FKBP7: variants seen among roughly 807,000 people sequenced by gnomAD.
FKBP7 encodes peptidyl-prolyl cis-trans isomerase FKBP7.
In FKBP7, 24 loss-of-function variants were observed where a neutral mutation model predicts 24.3. The ratio of observed to expected loss-of-function variants is 0.99; its 90% CI spans 0.72 to 1.39. The LOEUF (loss-of-function observed/expected upper bound fraction) is 1.39, where lower values mean the gene tolerates loss of function less well. Ranked by LOEUF, FKBP7 falls within the 40% of genes most tolerant of loss-of-function variation. The pLI is 0.00. For synonymous variants in FKBP7, 98 were observed against 92.8 expected (o/e 1.06, Z -0.32); for missense variants, 257 against 269.5 (o/e 0.95, Z 0.33).
At chr2:178,476,967 C>G in intron 2 of FKBP7, 95 bp downstream of exon 2, 1 of 896,678 alleles carries the variant, frequency 1.1e-6, no homozygotes, top group Non-Finnish European at 1.7e-6. Flanking sequence ...TTCTTTGAGA[C>G]TGTGCTTTCA....
In FKBP7 at chr2:178,469,800, T is replaced by G. The variant is rs201513970; in HGVS notation, c.374-15A>C. 6.2e-7 allele frequency: 1 copy of G among 1,605,594 alleles called. No homozygotes were observed. Among genetic ancestry groups the G allele is most frequent in the East Asian group, 2.2e-5 (1 of 44,788 alleles). On this transcript the variant is annotated splice_polypyrimidine_tract_variant and intron_variant, in intron 2 of 3. Transcript: ENST00000424785. ...CTTGCCTTCTGCTAAGGGTATAAAT[T>G]TTAACAGTTTAACTTATGTAAAGAT... is the stretch of plus-strand genomic sequence containing the variant.
intron 2 of FKBP7, 148 bp downstream of exon 2, chr2:178,476,912 CTT>C: frequency 1.8e-6 from 1 of 565,250 alleles, no homozygotes. Flanking sequence ...GCTTCCATCT[CTT>C]GTCTATTGTA....
At chr2:178,476,552 A>G (rs939490489) in intron 2 of FKBP7, among the ~76,000 whole-genome samples, 1 of 152,060 alleles carries the variant, frequency 6.6e-6, no homozygotes, top group Non-Finnish European at 1.5e-5. Context: ...CTTTGTCTCT[A>G]TTAATTTGAC....
chr2:178,467,631 A>G (rs1238690145), intron 3 of FKBP7, among the ~76,000 whole-genome samples: 6 of 152,246 alleles, frequency 3.9e-5, no homozygotes, highest in African/African-American at 1.4e-4. Context: ...TTGTTATTCA[A>G]GTTAGTGAAA....
chr2:178,476,638 T>C (rs1685007151), intron 2 of FKBP7, among the ~76,000 whole-genome samples: 1 of 152,074 alleles, frequency 6.6e-6, no homozygotes, highest in Non-Finnish European at 1.5e-5. Context: ...TTTAGCATAA[T>C]GTCCTCAAGG....
chr2:178,477,196 C>A lies in FKBP7; in HGVS notation c.239G>T (p.Gly80Val), dbSNP rs533896380. The A allele has an allele frequency of 6.2e-7, 1 of 1,610,212 alleles. No homozygotes were observed. The highest frequency in any genetic ancestry group is 1.1e-5 in the South Asian group (1 of 90,016). Residue 80 changes from glycine to valine, a missense_variant, in exon 2 of 4, where the codon GGC becomes GTC. Gly to Val is a moderately radical substitution (Grantham distance 109). Transcript: ENST00000424785. Reference sequence around the variant, plus strand: ...ACCAAGAACAAACCATTTGGGGTGGCCTTCATTTTGTGTCCGGCTATAACA... The same window carrying A: ...ACCAAGAACAAACCATTTGGGGTGGACTTCATTTTGTGTCCGGCTATAACA... ...KFYCSRTQNE[G>V]HPKWFVLGVG...
chr2:178,465,352 G>A lies in FKBP7; in HGVS notation c.*418C>T, dbSNP rs1200608785. 1 of 152,766 alleles carries A rather than the reference G, an allele frequency of 6.5e-6. No homozygotes were observed. Among genetic ancestry groups the A allele is most frequent in the Non-Finnish European group, 1.5e-5 (1 of 68,478 alleles). The allele number at this position is 152,766 out of a possible 1,614,324, so 9.5% of individuals were successfully genotyped here. ...ATAAACAAGTGAAATGCTAATTCCT[G>A]GGTCCTTAATGGATATTTTCAAAAT... is the stretch of plus-strand genomic sequence containing the variant. On this transcript the variant is annotated 3_prime_UTR_variant, in exon 4 of 4. Coordinates refer to ENST00000424785, the MANE Select transcript of FKBP7 (RefSeq NM_181342.3).
intron 2 of FKBP7, chr2:178,473,103 CAAG>C (rs1389676532): frequency 1.5e-6 from 2 of 1,304,990 alleles, no homozygotes; most frequent in African/African-American, 3.0e-5. Flanking sequence ...TGACATGAGA[CAAG>C]GATATTTTGC....
intron 2 of FKBP7, among the ~76,000 whole-genome samples, chr2:178,470,581 A>T (rs1346506367): frequency 1.3e-5 from 2 of 152,250 alleles, no homozygotes; most frequent in African/African-American, 2.4e-5. Context: ...GGAAGCATAA[A>T]TAAAACATAA....
At chr2:178,470,735 G>C (rs2154126826) in intron 2 of FKBP7, among the ~76,000 whole-genome samples, 1 of 151,640 alleles carries the variant, frequency 6.6e-6, no homozygotes, top group South Asian at 2.1e-4. Flanking sequence ...GATCACTTGA[G>C]CCCAGGAGTT....
rs752399519 is a variant in FKBP7, at chr2:178,465,881, G to T, written c.558C>A (p.Asp186Glu). 1.2e-6 allele frequency: 2 copies of T among 1,608,952 alleles called. No individual in the cohort carries two copies. The highest frequency in any genetic ancestry group is 1.7e-6 in the Non-Finnish European group (2 of 1,178,264). Residue 186 changes from aspartate (D) to glutamate (E), a missense_variant, in exon 4 of 4, where the codon GAC (aspartate) becomes GAA (glutamate). Asp to Glu is a conservative substitution (Grantham distance 45). Coordinates refer to ENST00000424785, the MANE Select transcript of FKBP7 (RefSeq NM_181342.3). ...CTAAAACTGCATCCTGATATGACTT[G>T]TCACGTGGCTTCTCATCTTTTTCAA... ...REFEKDEKPRDKSYQDAVLED... is the reference protein window; with the variant it reads ...REFEKDEKPREKSYQDAVLED...
chr2:178,475,824 T>A (rs1169140418), intron 2 of FKBP7, among the ~76,000 whole-genome samples: 1 of 152,220 alleles, frequency 6.6e-6, no homozygotes, highest in East Asian at 1.9e-4. Context: ...TACAAACATT[T>A]TTCCCGCTTA....
At position 178,464,114 on chromosome 2, in the gene FKBP7, T is replaced by C. The variant is rs567881170; in HGVS notation, c.*1656A>G. ...ATCTCATGGTTGTGTTACCCCTATG[T>C]ATACTTTTGTTTGTTTTTGTATGTA... On this transcript the variant is annotated 3_prime_UTR_variant, in exon 4 of 4. Coordinates refer to ENST00000424785, the MANE Select transcript of FKBP7 (RefSeq NM_181342.3). 2 of 152,264 alleles carry C rather than the reference T, an allele frequency of 1.3e-5. No individual in the cohort carries two copies. The highest frequency in any genetic ancestry group is 1.3e-4 in the Admixed American group (2 of 15,298). The allele number at this position is 152,264 out of a possible 1,614,324, so 9.4% of individuals were successfully genotyped here.
chr2:178,474,552 G>A (rs951265695), intron 2 of FKBP7, among the ~76,000 whole-genome samples: 9 of 152,192 alleles, frequency 5.9e-5, no homozygotes, highest in African/African-American at 1.7e-4. Context: ...ACATGCATAT[G>A]TGAAACTCCT....
At chr2:178,475,052 G>A (rs1053633058) in intron 2 of FKBP7, among the ~76,000 whole-genome samples, 5 of 152,090 alleles carry the variant, frequency 3.3e-5, no homozygotes, top group African/African-American at 1.2e-4. Flanking sequence ...TGGTTACACA[G>A]TAATTCATTG....
intron 3 of FKBP7, among the ~76,000 whole-genome samples, chr2:178,466,458 G>C (rs1384054422): frequency 6.6e-6 from 1 of 151,956 alleles, no homozygotes; most frequent in African/African-American, 2.4e-5. Context: ...GAATCCTGAA[G>C]TATTCACTAA....
At chr2:178,469,061 G>A (rs1220291993) in intron 3 of FKBP7, among the ~76,000 whole-genome samples, 1 of 151,622 alleles carries the variant, frequency 6.6e-6, no homozygotes, top group Non-Finnish European at 1.5e-5. Context: ...GTAGAGACGG[G>A]GGTCTCCCTG....
intron 2 of FKBP7, 25 bp from the exon 3 acceptor site, chr2:178,469,810 T>C (rs1317079331): frequency 6.3e-7 from 1 of 1,594,902 alleles, no homozygotes; most frequent in Non-Finnish European, 8.6e-7. Flanking sequence ...TTTAACAGTT[T>C]AACTTATGTA....
chr2:178,477,257 C>T (rs766805048), intron 1 of FKBP7, 44 bp from the exon 2 acceptor site: 16 of 1,588,808 alleles, frequency 1.0e-5, no homozygotes, highest in Non-Finnish European at 2.6e-6. Context: ...TTCAAGAAAT[C>T]AAACTTGAAA....
Sources: allele counts gnomAD v4.1 joint callset (sites outside exome capture counted in the v4.1 genomes callset), GRCh38; gene constraint gnomAD v4.1.1; transcripts MANE v1.5; gene names NCBI Gene and HGNC (gene_info 2026-07-23, HGNC 2026-07-21).